CLPSL1: variants seen among roughly 807,000 people sequenced by gnomAD.
CLPSL1 encodes colipase like 1, also known as colipase-like protein 1.
Under a neutral mutation model 9.3 loss-of-function variants are expected in CLPSL1, and 13 were observed. The observed-to-expected ratio is 1.40, with a 90% CI of 0.91 to 2.22. CLPSL1 has a LOEUF of 2.22. CLPSL1 is among the 30% of genes most tolerant of loss of function. The pLI is 0.00. For synonymous variants in CLPSL1, 58 were observed against 56.9 expected (o/e 1.02, Z -0.08); for missense variants, 164 against 146.6 (o/e 1.12, Z -0.61).
At chr6:35,782,545 C>CTGG in intron 1 of CLPSL1, among the ~76,000 whole-genome samples, 1 of 152,294 alleles carries the variant, frequency 6.6e-6, no homozygotes, top group East Asian at 1.9e-4. Flanking sequence ...GACTGCTCTG[C>CTGG]TGGTGTCCAG....
chr6:35,791,462 A>T (rs1001161004), downstream of CLPSL1, among the ~76,000 whole-genome samples: 5 of 152,014 alleles, frequency 3.3e-5, no homozygotes, highest in Non-Finnish European at 7.4e-5. Context: ...TACAAAAATT[A>T]GCTGGGCGTG....
intron 1 of CLPSL1, among the ~76,000 whole-genome samples, chr6:35,785,137 G>T (rs1768043060): frequency 6.6e-6 from 1 of 151,072 alleles, no homozygotes; most frequent in African/African-American, 2.4e-5. Context: ...CCCATCTGAG[G>T]CTTTGTTCCC....
chr6:35,788,062 C>T lies in CLPSL1; in HGVS notation c.*52C>T. On this transcript the variant is annotated 3_prime_UTR_variant, in exon 3 of 3. Transcript: ENST00000373861. ...CTCCTCCACCTGCTCTCCTCCCTAC[C>T]CAGAGCTCTGTGTTCACCCTGTTCC... The T allele has an allele frequency of 7.1e-7, 1 of 1,409,236 alleles. No individual in the cohort carries two copies. Among genetic ancestry groups the T allele is most frequent in the Non-Finnish European group, 1.0e-6 (1 of 996,508 alleles). The allele number at this position is 1,409,236 out of a possible 1,614,324, so 87.3% of individuals were successfully genotyped here. A position where few individuals can be genotyped will look rare whatever the true frequency, so the allele number is the denominator to read the frequency against.
downstream of CLPSL1, among the ~76,000 whole-genome samples, chr6:35,790,208 C>T (rs1267022101): frequency 2.6e-5 from 4 of 152,276 alleles, no homozygotes; most frequent in Non-Finnish European, 5.9e-5. Flanking sequence ...GCTGGGATTA[C>T]AGGCATGAGC....
chr6:35,791,164 G>A (rs143878660), downstream of CLPSL1, among the ~76,000 whole-genome samples: 1,878 of 151,790 alleles, frequency 0.012, no homozygotes, highest in African/African-American at 0.022. Flanking sequence ...TGGGGATTCC[G>A]CTGCCCTATG....
At position 35,787,878 on chromosome 6, in the gene CLPSL1, C is replaced by A. The variant is rs1409631005; in HGVS notation, c.234C>A (p.Gly78=). The A allele has an allele frequency of 6.2e-7, 1 of 1,608,850 alleles. No homozygotes were observed. The highest frequency in any genetic ancestry group is 8.5e-7 in the Non-Finnish European group (1 of 1,175,674). ...CCTGTCTTTCCCAGGTGTTCTTTGG[C>A]CAATATAGAGCGTGTCCCTGCCTGC... ...GSLCQTQVFF[G]QYRACPCLRN... is the part of the protein sequence containing the mutation. Residue 78 remains glycine, a synonymous_variant, in exon 3 of 3, where the codon GGC becomes GGA. Coordinates refer to ENST00000373861, the MANE Select transcript of CLPSL1 (RefSeq NM_001010886.5).
At chr6:35,784,533 C>T (rs981645749) in intron 1 of CLPSL1, among the ~76,000 whole-genome samples, 19 of 152,096 alleles carry the variant, frequency 1.2e-4, no homozygotes, top group African/African-American at 3.9e-4. Flanking sequence ...TGGTGGGAGG[C>T]TTCAAATTTT....
Position 35,787,187 on chromosome 6 carries a change from A to G in CLPSL1, c.222+67A>G. On this transcript the variant is annotated intron_variant, in intron 2 of 2. Coordinates refer to ENST00000373861, the MANE Select transcript of CLPSL1 (RefSeq NM_001010886.5). ...GAAGTGGGAGCCAGGGCGGGCCCAG[A>G]TTCCTGGGGAGGAAAGAAGGGTAGG... 1.9e-6 allele frequency: 3 copies of G among 1,557,074 alleles called. No individual in the cohort carries two copies. The South Asian group carries it at 3.4e-5, about 18-fold the overall frequency.
chr6:35,788,012 G>T lies in CLPSL1; in HGVS notation c.*2G>T, dbSNP rs1225877100. The T allele has an allele frequency of 1.2e-6, 2 of 1,608,956 alleles. No individual in the cohort carries two copies. Among genetic ancestry groups the T allele is most frequent in the South Asian group, 2.2e-5 (2 of 90,914 alleles). Reference sequence around the variant, plus strand: ...TTGGCTAAGAAAATGTTCTTCTAGTGCTCCCTCCTTCTTGCTGCCTCCTCC... The same window carrying T: ...TTGGCTAAGAAAATGTTCTTCTAGTTCTCCCTCCTTCTTGCTGCCTCCTCC... On this transcript the variant is annotated 3_prime_UTR_variant, in exon 3 of 3. Coordinates refer to ENST00000373861, the MANE Select transcript of CLPSL1 (RefSeq NM_001010886.5).
At chr6:35,793,934 C>T (rs890505819), downstream of CLPSL1, among the ~76,000 whole-genome samples, 1 of 152,248 alleles carries the variant, frequency 6.6e-6, no homozygotes, top group African/African-American at 2.4e-5. Flanking sequence ...TTGATGGCTC[C>T]AGGGGATATA....
At chr6:35,788,194 T>TGGGGGG, downstream of CLPSL1, 1 of 453,622 alleles carries the variant, frequency 2.2e-6, no homozygotes, top group Non-Finnish European at 4.3e-6. Flanking sequence ...TGGGCTGGGG[T>TGGGGGG]GGGCATGGTA....
At chr6:35,790,858 T>C (rs1469999231), downstream of CLPSL1, among the ~76,000 whole-genome samples, 1 of 152,214 alleles carries the variant, frequency 6.6e-6, no homozygotes, top group East Asian at 1.9e-4. Context: ...CTGGGCAGCA[T>C]TGCGAAACCC....
intron 1 of CLPSL1, among the ~76,000 whole-genome samples, chr6:35,781,853 C>G (rs1015945770): frequency 6.6e-6 from 1 of 151,376 alleles, no homozygotes; most frequent in African/African-American, 2.4e-5. Context: ...TCAAGCGATT[C>G]CCCTGCCTCA....
exon 2 of CLPSL1, chr6:35,793,607 T>TGCCA: frequency 2.1e-6 from 1 of 469,644 alleles, no homozygotes; most frequent in Non-Finnish European, 4.4e-6. Flanking sequence ...ACCAAAAGAA[T>TGCCA]GCCAGCACTT....
chr6:35,781,020 C>A lies in CLPSL1; in HGVS notation c.-91C>A. ...CTGACGGGGTTGGGTGCTGGTTTTA[C>A]ATGGTGTTCCCACAGCTGGGAGGAC... On this transcript the variant is annotated 5_prime_UTR_variant, in exon 1 of 3. Coordinates refer to ENST00000373861, the MANE Select transcript of CLPSL1 (RefSeq NM_001010886.5). 6.4e-7 allele frequency: 1 copy of A among 1,556,102 alleles called. No individual in the cohort carries two copies. The highest frequency in any genetic ancestry group is 8.7e-7 in the Non-Finnish European group (1 of 1,150,218).
In CLPSL1 at chr6:35,788,026, GCTGCCTCCTCCTCCTCCAC is replaced by G. The variant is rs755976758; in HGVS notation, c.*21_*39del. ...GTTCTTCTAGTGCTCCCTCCTTCTT[GCTGCCTCCTCCTCCTCCAC>G]CTGCTCTCCTCCCTACCCAGAGCTC... On this transcript the variant is annotated 3_prime_UTR_variant, in exon 3 of 3. Coordinates refer to ENST00000373861, the MANE Select transcript of CLPSL1 (RefSeq NM_001010886.5). 6 of 1,596,974 alleles carry G rather than the reference GCTGCCTCCTCCTCCTCCAC, an allele frequency of 3.8e-6. No individual in the cohort carries two copies. The highest frequency in any genetic ancestry group is 5.1e-6 in the Non-Finnish European group (6 of 1,165,068).
intron 1 of CLPSL1, among the ~76,000 whole-genome samples, chr6:35,783,780 C>T: frequency 6.7e-6 from 1 of 149,556 alleles, no homozygotes; most frequent in Non-Finnish European, 1.5e-5. Flanking sequence ...TGCATTCCAG[C>T]CTGGGCGACG....
chr6:35,787,137 G>T lies in CLPSL1; in HGVS notation c.222+17G>T. 1 of 1,608,674 alleles carries T rather than the reference G, an allele frequency of 6.2e-7. No homozygotes were observed. The highest frequency in any genetic ancestry group is 8.5e-7 in the Non-Finnish European group (1 of 1,177,882). ...CAAACGCAGGTGGGTATCGCCGCCCGGGGGGAGCCAGAGGGGATCCAGGGG... is the reference window on the plus strand; with the variant it reads ...CAAACGCAGGTGGGTATCGCCGCCCTGGGGGAGCCAGAGGGGATCCAGGGG... On this transcript the variant is annotated intron_variant, in intron 2 of 2. Coordinates refer to ENST00000373861, the MANE Select transcript of CLPSL1 (RefSeq NM_001010886.5).
intron 1 of CLPSL1, among the ~76,000 whole-genome samples, chr6:35,784,700 G>A (rs1768033983): frequency 6.6e-6 from 1 of 152,224 alleles, no homozygotes; most frequent in South Asian, 2.1e-4. Context: ...AGAGGTTCGA[G>A]ACCAACCTGG....
Sources: gnomAD v4.1 joint callset for allele counts (sites outside exome capture counted in the v4.1 genomes callset) on GRCh38, gnomAD v4.1.1 for gene constraint, MANE v1.5 for transcripts, NCBI Gene and HGNC (gene_info 2026-07-23, HGNC 2026-07-21) for gene names.